Variants in TMPRSS9 observed in about 807,000 individuals in gnomAD.
TMPRSS9 encodes the protein transmembrane protease serine 9.
In TMPRSS9, 113 loss-of-function variants were observed where a neutral mutation model predicts 111.4. The ratio of observed to expected loss-of-function variants is 1.01; its 90% CI spans 0.87 to 1.19. The LOEUF (loss-of-function observed/expected upper bound fraction) is 1.19. TMPRSS9 is among the 50% of genes most tolerant of loss of function. The pLI is 0.00. For missense variants in TMPRSS9, 1,803 were observed against 1,513.1 expected (o/e 1.19, Z -3.18); for synonymous variants, 805 against 659.1 (o/e 1.22, Z -3.39).
At chr19:2,408,245 A>T in intron 7 of TMPRSS9, 111 bp from the exon 9 acceptor site, 1 of 1,043,616 alleles carries the variant, frequency 9.6e-7, no homozygotes, top group Non-Finnish European at 1.4e-6. Flanking sequence ...ATTCATAAAT[A>T]TTAATGTGGG....
At chr19:2,391,854 G>A (rs546788353) in intron 1 of TMPRSS9, among the ~76,000 whole-genome samples, 1 of 150,462 alleles carries the variant, frequency 6.6e-6, no homozygotes, top group Admixed American at 6.7e-5. Context: ...CGATTCTCCT[G>A]CCTCAGCCTC....
exon 18 of TMPRSS9, chr19:2,426,153 A>AC: frequency 1.5e-6 from 2 of 1,359,768 alleles, no homozygotes; most frequent in Non-Finnish European, 1.9e-6. Context: ...GCCACCCAAC[A>AC]CCCCACCCCA....
In TMPRSS9 at chr19:2,364,590, T is replaced by C. The variant is rs116158670; in HGVS notation, c.-26+4230T>C. 7.5e-3 allele frequency among the ~76,000 whole-genome samples: 1,131 copies of C among 150,768 alleles called. 37 individuals are homozygous for C. The highest frequency in any genetic ancestry group is 0.026 in the African/African-American group (1,082 of 41,024). On this transcript the variant is annotated intron_variant, in intron 1 of 17. Transcript: ENST00000649857. ...CACTTTACCTTTATGAAAAAAAAAA[T>C]TGGGGGGGATAATTTTAGTTGTGAA...
chr19:2,401,241 T>G (rs888048151), intron 4 of TMPRSS9, among the ~76,000 whole-genome samples: 1 of 151,964 alleles, frequency 6.6e-6, no homozygotes, highest in Non-Finnish European at 1.5e-5. Context: ...GCCACTGCTC[T>G]CCAGCCTGGG....
At chr19:2,398,951 A>G (rs917476157) in intron 3 of TMPRSS9, 67 bp from the exon 5 acceptor site, 6 of 1,550,826 alleles carry the variant, frequency 3.9e-6, no homozygotes, top group Non-Finnish European at 5.2e-6. Context: ...AGATTCTAGA[A>G]GATTCCAGAA....
intron 1 of TMPRSS9, among the ~76,000 whole-genome samples, chr19:2,372,020 C>T (rs1043898081): frequency 2.0e-5 from 3 of 152,152 alleles, no homozygotes; most frequent in Admixed American, 6.6e-5. Context: ...TATAGGCGCC[C>T]GCCACCATGC....
intron 1 of TMPRSS9, 41 bp downstream of exon 2, chr19:2,389,968 A>T (rs192491481): frequency 1.9e-6 from 3 of 1,584,384 alleles, no homozygotes; most frequent in Non-Finnish European, 2.6e-6. Flanking sequence ...AATACAAGGG[A>T]CATGTGCAAA....
At chr19:2,380,949 T>G (rs1026663425) in intron 1 of TMPRSS9, among the ~76,000 whole-genome samples, 2 of 152,156 alleles carry the variant, frequency 1.3e-5, no homozygotes, top group African/African-American at 2.4e-5. Context: ...CGAACTTGAA[T>G]AACTCATCAC....
chr19:2,418,162 G>A (rs368313544), intron 13 of TMPRSS9, 24 bp downstream of exon 14: 113 of 1,580,386 alleles, frequency 7.2e-5, no homozygotes, highest in Non-Finnish European at 9.1e-5. Context: ...GGGGGAAAGC[G>A]GGCAATATTT....
chr19:2,416,163 CAGG>C (rs1971226178), intron 11 of TMPRSS9: 1 of 418,710 alleles, frequency 2.4e-6, no homozygotes, highest in Non-Finnish European at 4.3e-6. Flanking sequence ...TGCTTGAGCC[CAGG>C]AGGTCGAGGC....
At chr19:2,377,800 C>A (rs1170226731) in intron 1 of TMPRSS9, among the ~76,000 whole-genome samples, 1 of 140,778 alleles carries the variant, frequency 7.1e-6, no homozygotes, top group Non-Finnish European at 1.5e-5. Context: ...GCAGCCTCGA[C>A]CTTCCAGGCT....
chr19:2,372,913 C>G (rs1213523127), intron 1 of TMPRSS9, among the ~76,000 whole-genome samples: 1 of 152,126 alleles, frequency 6.6e-6, no homozygotes, highest in Non-Finnish European at 1.5e-5. Context: ...TTCACTTCAG[C>G]CTTGACCTCG....
chr19:2,381,518 C>T (rs10423793), intron 1 of TMPRSS9, among the ~76,000 whole-genome samples: 64,368 of 151,756 alleles, frequency 0.42, 14,689 homozygotes, highest in African/African-American at 0.56. Flanking sequence ...TCAACTCAAG[C>T]GTAAGAGTAA....
At chr19:2,404,035 G>A (rs1321279779) in intron 6 of TMPRSS9, among the ~76,000 whole-genome samples, 1 of 151,810 alleles carries the variant, frequency 6.6e-6, no homozygotes, top group Non-Finnish European at 1.5e-5. Flanking sequence ...CAGCGTGGTG[G>A]TGGGCGCCTG....
chr19:2,415,733 C>T, exon 11 of TMPRSS9: 2 of 1,610,286 alleles, frequency 1.2e-6, no homozygotes, highest in Admixed American at 3.3e-5. Flanking sequence ...GGAGCTGCCT[C>T]CGGGGAGGTG....
chr19:2,422,179 G>C (rs735911), exon 14 of TMPRSS9: 2 of 1,565,906 alleles, frequency 1.3e-6, no homozygotes, highest in Non-Finnish European at 8.7e-7. Flanking sequence ...TCTGCCGTGA[G>C]CACCACTGCT....
intron 1 of TMPRSS9, among the ~76,000 whole-genome samples, chr19:2,394,231 C>T (rs1330330702): frequency 7.3e-6 from 1 of 136,112 alleles, no homozygotes; most frequent in Non-Finnish European, 1.6e-5. Flanking sequence ...GAAAGCTAGC[C>T]AGCCAGGCGT....
intron 1 of TMPRSS9, among the ~76,000 whole-genome samples, chr19:2,393,047 T>A (rs930972749): frequency 6.6e-6 from 1 of 152,068 alleles, no homozygotes; most frequent in South Asian, 2.1e-4. Flanking sequence ...ACCAGTCAGC[T>A]CTCTGTAAAA....
chr19:2,399,165 T>A lies in TMPRSS9; in HGVS notation c.486T>A (p.Tyr162Ter). Residue 162 changes from tyrosine to a stop codon, truncating the protein, a stop_gained, in exon 4 of 18, where the codon TAT becomes TAA. Transcript: ENST00000648592. LOFTEE classifies it high-confidence loss of function. ...AGCACGGCATCTCCCTGGCTGCCTATGGCACAATTGTGTCGGCTGAGCTCA... is the reference window on the plus strand; with the variant it reads ...AGCACGGCATCTCCCTGGCTGCCTAAGGCACAATTGTGTCGGCTGAGCTCA... 1 of 1,609,112 alleles carries A rather than the reference T, an allele frequency of 6.2e-7. No homozygotes were observed. Among genetic ancestry groups the A allele is most frequent in the Non-Finnish European group, 8.5e-7 (1 of 1,177,430 alleles).
Sources: allele counts gnomAD v4.1 joint callset (sites outside exome capture counted in the v4.1 genomes callset), GRCh38; gene constraint gnomAD v4.1.1; transcripts MANE v1.5; gene names NCBI Gene and HGNC (gene_info 2026-07-23, HGNC 2026-07-21).